Variants in EFCAB11 observed in about 807,000 individuals in gnomAD.
EFCAB11 encodes the protein EF-hand calcium-binding domain-containing protein 11.
In EFCAB11, 14 loss-of-function variants were observed where a neutral mutation model predicts 23.0. The observed-to-expected ratio is 0.61, with a 90% CI of 0.40 to 0.95. The LOEUF is 0.95. Ranked by LOEUF, EFCAB11 falls within the 40% of genes least tolerant of loss-of-function variation. The pLI, the probability that EFCAB11 is intolerant of heterozygous loss-of-function variation, is 0.00. For synonymous variants in EFCAB11, 65 were observed against 66.6 expected (o/e 0.98, Z 0.11); for missense variants, 198 against 195.8 (o/e 1.01, Z -0.07).
intron 5 of EFCAB11, among the ~76,000 whole-genome samples, chr14:89,843,829 T>C (rs1376214408): frequency 6.6e-6 from 1 of 152,208 alleles, no homozygotes; most frequent in East Asian, 1.9e-4. Flanking sequence ...ATAAAAACCA[T>C]ATTTAATATC....
chr14:89,940,455 C>A (rs1400593960), intron 3 of EFCAB11, among the ~76,000 whole-genome samples: 1 of 152,060 alleles, frequency 6.6e-6, no homozygotes, highest in African/African-American at 2.4e-5. Context: ...ACAAGCCAGA[C>A]AAGATATTAA....
At chr14:89,807,559 G>A (rs1387704669) in intron 5 of EFCAB11, among the ~76,000 whole-genome samples, 1 of 152,232 alleles carries the variant, frequency 6.6e-6, no homozygotes, top group Non-Finnish European at 1.5e-5. Flanking sequence ...AAGTTGAAAT[G>A]TGAACTATAA....
At chr14:89,925,064 T>A (rs2139794244) in intron 5 of EFCAB11, among the ~76,000 whole-genome samples, 1 of 152,350 alleles carries the variant, frequency 6.6e-6, no homozygotes, top group East Asian at 1.9e-4. Flanking sequence ...TATCAACATT[T>A]AAGGAAAGAA....
At chr14:89,921,082 G>C (rs375413274) in intron 5 of EFCAB11, among the ~76,000 whole-genome samples, 1 of 138,010 alleles carries the variant, frequency 7.2e-6, no homozygotes, top group Admixed American at 7.1e-5. Context: ...AAAAAGAAAA[G>C]AAAGAAAGAA....
intron 5 of EFCAB11, among the ~76,000 whole-genome samples, chr14:89,876,910 T>G (rs1158418468): frequency 6.6e-6 from 1 of 150,970 alleles, no homozygotes; most frequent in Non-Finnish European, 1.5e-5. Context: ...ACATCCTGCT[T>G]ACAAGGCAAG....
At chr14:89,878,079 G>GA (rs1888494184) in intron 5 of EFCAB11, among the ~76,000 whole-genome samples, 2 of 152,104 alleles carry the variant, frequency 1.3e-5, no homozygotes, top group Admixed American at 6.6e-5. Flanking sequence ...ATGGATAGGG[G>GA]AAAAAACAAG....
chr14:89,806,729 T>A (rs1299897454), intron 5 of EFCAB11, among the ~76,000 whole-genome samples: 1 of 152,138 alleles, frequency 6.6e-6, no homozygotes, highest in Non-Finnish European at 1.5e-5. Context: ...CTGGGCAAGT[T>A]TCTCAACTGC....
chr14:89,809,088 T>C (rs1462624830), intron 5 of EFCAB11, among the ~76,000 whole-genome samples: 1 of 152,144 alleles, frequency 6.6e-6, no homozygotes, highest in African/African-American at 2.4e-5. Flanking sequence ...GTCTTACAAA[T>C]TGCATATGAC....
intron 3 of EFCAB11, among the ~76,000 whole-genome samples, chr14:89,943,488 C>T (rs1196718139): frequency 2.6e-5 from 4 of 152,258 alleles, no homozygotes; most frequent in Admixed American, 1.3e-4. Flanking sequence ...GTGATCCACC[C>T]ACCTTGGCCT....
intron 5 of EFCAB11, among the ~76,000 whole-genome samples, chr14:89,868,323 T>C (rs1013675564): frequency 5.3e-5 from 8 of 152,166 alleles, no homozygotes; most frequent in African/African-American, 1.9e-4. Context: ...GTTGGAGTGG[T>C]TTGCACTTCA....
At chr14:89,937,751 C>T (rs1208228032) in intron 3 of EFCAB11, among the ~76,000 whole-genome samples, 1 of 152,088 alleles carries the variant, frequency 6.6e-6, no homozygotes, top group African/African-American at 2.4e-5. Flanking sequence ...GTCTCGAACT[C>T]CCGACTTTGT....
At chr14:89,916,317 C>A (rs909921303) in intron 5 of EFCAB11, among the ~76,000 whole-genome samples, 5 of 152,082 alleles carry the variant, frequency 3.3e-5, no homozygotes, top group African/African-American at 1.2e-4. Context: ...CTTTACTAGA[C>A]AATGTGAAAG....
intron 5 of EFCAB11, chr14:89,924,570 A>G (rs1890128904): frequency 6.5e-7 from 1 of 1,528,306 alleles, no homozygotes; most frequent in Admixed American, 2.0e-5. Context: ...GCAGAGAAAA[A>G]TGCCAGCCAG....
intron 5 of EFCAB11, among the ~76,000 whole-genome samples, chr14:89,844,083 T>C (rs764473787): frequency 5.3e-5 from 8 of 152,194 alleles, no homozygotes; most frequent in Non-Finnish European, 8.8e-5. Context: ...CAAATAAAAA[T>C]GGTGTACCAG....
chr14:89,842,637 G>GATATGATATAATATA (rs1304143561), intron 5 of EFCAB11, among the ~76,000 whole-genome samples: 1 of 48,976 alleles, frequency 2.0e-5, no homozygotes, highest in African/African-American at 4.8e-5. Flanking sequence ...GATATGATAT[G>GATATGATATAATATA]ATATAATATA....
At chr14:89,872,640 T>A (rs1309398597) in intron 5 of EFCAB11, among the ~76,000 whole-genome samples, 1 of 152,154 alleles carries the variant, frequency 6.6e-6, no homozygotes, top group African/African-American at 2.4e-5. Context: ...CAAAAACTCA[T>A]ATGCTGAAGT....
intron 5 of EFCAB11, among the ~76,000 whole-genome samples, chr14:89,885,334 T>C (rs902915849): frequency 6.6e-6 from 1 of 152,158 alleles, no homozygotes; most frequent in African/African-American, 2.4e-5. Context: ...ATTTTGGCAT[T>C]GTCAGTTCTC....
intron 3 of EFCAB11, among the ~76,000 whole-genome samples, chr14:89,946,110 C>T (rs1419565997): frequency 2.0e-5 from 3 of 151,752 alleles, no homozygotes; most frequent in Admixed American, 6.6e-5. Flanking sequence ...TTCGTAAAGA[C>T]GGGGTTTCAT....
In EFCAB11 at chr14:89,953,952, T is replaced by C. The variant is rs1190570092; in HGVS notation, c.125A>G (p.Asp42Gly). ...EDHKGYLSRE[D>G]FKTAVVMLFG... ...CAGCATTACAACAGCAGTTTTAAAG[T>C]CCTCTCTGCTGAGATATCCTTTGTG... The change falls in exon 2 of 6, where the codon GAC (aspartate) becomes GGC (glycine). Residue 42 changes from aspartate (D) to glycine (G), a missense_variant. Transcript: ENST00000316738. 1 of 1,613,832 alleles carries C rather than the reference T, an allele frequency of 6.2e-7. No homozygotes were observed. Among genetic ancestry groups the C allele is most frequent in the Non-Finnish European group, 8.5e-7 (1 of 1,180,008 alleles).
Sources: allele counts gnomAD v4.1 joint callset (sites outside exome capture counted in the v4.1 genomes callset), GRCh38; gene constraint gnomAD v4.1.1; transcripts MANE v1.5; gene names NCBI Gene and HGNC (gene_info 2026-07-23, HGNC 2026-07-21).